The following ANAPC7 variants were observed in gnomAD, a reference collection of about 807,000 sequenced individuals.
ANAPC7 encodes anaphase-promoting complex subunit 7.
A neutral mutation model predicts 63.3 loss-of-function variants in ANAPC7; 25 were observed. The ratio of observed to expected loss-of-function variants is 0.39; its 90% CI spans 0.29 to 0.55. The LOEUF is 0.55. Among genes scored for constraint, ANAPC7 ranks in the 20% least tolerant of loss-of-function variants. The probability of loss-of-function intolerance (pLI) is 0.57; values close to 1 mark genes in which losing one functional copy is unlikely to be tolerated. For missense variants in ANAPC7, 516 were observed against 691.7 expected (o/e 0.75, Z 2.85); for synonymous variants, 241 against 251.7 (o/e 0.96, Z 0.40).
At chr12:110,397,780 A>T (rs1333942693) in intron 1 of ANAPC7, among the ~76,000 whole-genome samples, 2 of 145,400 alleles carry the variant, frequency 1.4e-5, no homozygotes, top group Non-Finnish European at 2.9e-5. Flanking sequence ...CTGTAATCCC[A>T]CCTACTCGGG....
intron 9 of ANAPC7, 120 bp from the exon 10 acceptor site, chr12:110,376,336 G>A: frequency 1.8e-6 from 2 of 1,099,164 alleles, no homozygotes; most frequent in Admixed American, 4.5e-5. Context: ...GCGAGGGCAA[G>A]CACACCTGAA....
intron 8 of ANAPC7, among the ~76,000 whole-genome samples, chr12:110,379,807 G>A (rs747313898): frequency 1.3e-5 from 2 of 152,180 alleles, no homozygotes; most frequent in African/African-American, 4.8e-5. Flanking sequence ...ACTGCATCTT[G>A]TAAGATCTAT....
intron 3 of ANAPC7, among the ~76,000 whole-genome samples, chr12:110,392,576 G>T (rs1414671195): frequency 1.3e-5 from 2 of 152,064 alleles, no homozygotes; most frequent in African/African-American, 2.4e-5. Flanking sequence ...AATGAGCAAG[G>T]CAGGAGACAT....
intron 1 of ANAPC7, among the ~76,000 whole-genome samples, chr12:110,400,560 T>C (rs2062213574): frequency 6.6e-6 from 1 of 151,322 alleles, no homozygotes; most frequent in Middle Eastern, 3.2e-3. Context: ...TTTCAAACTA[T>C]CCTGTAACAT....
chr12:110,386,814 T>C (rs1882494240), intron 5 of ANAPC7: 2 of 181,262 alleles, frequency 1.1e-5, no homozygotes, highest in African/African-American at 4.8e-5. Flanking sequence ...AAGTCTCTTC[T>C]TGTCCTTGAA....
In ANAPC7 at chr12:110,381,964, A is replaced by C. The variant is rs746278576; in HGVS notation, c.936-16T>G. ...GCTGTGACAGCTGGAGAAAAAAAAA[A>C]AAAAAAAAACACAAAAACCCCAGAA... is the stretch of plus-strand genomic sequence containing the variant. On this transcript the variant is annotated splice_polypyrimidine_tract_variant and intron_variant, in intron 7 of 10. Coordinates refer to ENST00000455511, the MANE Select transcript of ANAPC7 (RefSeq NM_016238.3). The C allele has an allele frequency of 5.3e-6, 8 of 1,517,626 alleles. No homozygotes were observed. The East Asian group carries it at 1.7e-4, about 32-fold the overall frequency. The allele number at this position is 1,517,626 out of a possible 1,614,324, so 94.0% of individuals were successfully genotyped here.
chr12:110,380,944 A>C (rs147873940), intron 8 of ANAPC7, among the ~76,000 whole-genome samples: 3,879 of 152,058 alleles, frequency 0.026, 74 homozygotes, highest in Non-Finnish European at 0.04. Flanking sequence ...TCTCAAAAAA[A>C]AGAGGAGTAA....
intron 9 of ANAPC7, among the ~76,000 whole-genome samples, chr12:110,376,568 CAAAAAAA>C (rs57434475): frequency 1.3e-4 from 8 of 62,400 alleles, no homozygotes. Flanking sequence ...GACTCCATCT[CAAAAAAA>C]AAAAAAAAAA....
chr12:110,389,081 T>TAAAAAAAAAAA (rs778746037), intron 3 of ANAPC7, among the ~76,000 whole-genome samples: 1 of 98,312 alleles, frequency 1.0e-5, no homozygotes, highest in Non-Finnish European at 2.0e-5. Flanking sequence ...GACTCCATCT[T>TAAAAAAAAAAA]AAAAAAAAAA....
In ANAPC7 at chr12:110,377,468, T is replaced by C; in HGVS notation, c.1282A>G (p.Lys428Glu). The change falls in exon 9 of 11, where the codon AAA becomes GAA. Residue 428 changes from lysine (K) to glutamate (E), a missense_variant. By Grantham distance (56) the Lys-to-Glu change is moderately conservative. Coordinates refer to ENST00000455511, the MANE Select transcript of ANAPC7 (RefSeq NM_016238.3). ...GTCAGGGCTTTATCTAATAATGTTT[T>C]GGCTTTCTCCTGTGTCACTGGGTCT... ...LEDPVTQEKAKTLLDKALTQR... is the reference protein window; with the variant it reads ...LEDPVTQEKAETLLDKALTQR... 6.2e-7 allele frequency: 1 copy of C among 1,614,212 alleles called. No individual in the cohort carries two copies. Among genetic ancestry groups the C allele is most frequent in the Non-Finnish European group, 8.5e-7 (1 of 1,180,010 alleles).
chr12:110,389,707 G>A (rs1421106445), intron 3 of ANAPC7, among the ~76,000 whole-genome samples: 4 of 152,042 alleles, frequency 2.6e-5, no homozygotes. Context: ...CGAGGTGGGT[G>A]GATTACGAGG....
At chr12:110,395,989 C>T (rs1413793582) in intron 2 of ANAPC7, among the ~76,000 whole-genome samples, 1 of 152,148 alleles carries the variant, frequency 6.6e-6, no homozygotes, top group Non-Finnish European at 1.5e-5. Flanking sequence ...CACCTCAGAT[C>T]TTCAGGCATT....
intron 9 of ANAPC7, 23 bp from the exon 10 acceptor site, chr12:110,376,239 C>T: frequency 6.2e-7 from 1 of 1,611,932 alleles, no homozygotes; most frequent in Non-Finnish European, 8.5e-7. Flanking sequence ...AAAAGACCCT[C>T]ACTTAAGTCA....
chr12:110,389,161 A>T (rs758243013), intron 3 of ANAPC7, among the ~76,000 whole-genome samples: 1 of 152,052 alleles, frequency 6.6e-6, no homozygotes, highest in Non-Finnish European at 1.5e-5. Flanking sequence ...CTAAGAGGAA[A>T]GTCACATTAC....
chr12:110,392,281 T>C (rs1197772179), intron 3 of ANAPC7, among the ~76,000 whole-genome samples: 1 of 152,116 alleles, frequency 6.6e-6, no homozygotes. Flanking sequence ...TAATAAACTT[T>C]CAAGTGTTTT....
chr12:110,376,018 T>G (rs1881232361), intron 10 of ANAPC7, 48 bp downstream of exon 10: 1 of 1,546,664 alleles, frequency 6.5e-7, no homozygotes. Context: ...GCTCACTGCC[T>G]CCTCTACCCT....
In ANAPC7 at chr12:110,381,856, A is replaced by C; in HGVS notation, c.1028T>G (p.Leu343Arg). ...GTTCCTAAGTGCTGCTCCCTTAAGT[A>C]GCAGAGCTTGAACACTATTACTGTT... ...QLNSNSVQAL[L>R]LKGAALRNMG... The change falls in exon 8 of 11, where the codon CTA becomes CGA. Residue 343 changes from leucine (L) to arginine (R), a missense_variant. Coordinates refer to ENST00000455511, the MANE Select transcript of ANAPC7 (RefSeq NM_016238.3). 3 of 1,610,826 alleles carry C rather than the reference A, an allele frequency of 1.9e-6. No individual in the cohort carries two copies. The highest frequency in any genetic ancestry group is 2.2e-5 in the South Asian group (2 of 90,918).
At chr12:110,379,956 A>C (rs1881663273) in intron 8 of ANAPC7, among the ~76,000 whole-genome samples, 1 of 152,230 alleles carries the variant, frequency 6.6e-6, no homozygotes, top group Admixed American at 6.5e-5. Flanking sequence ...TCTGGAGGTC[A>C]CAATGAACAG....
chr12:110,373,001 A>T lies in ANAPC7; in HGVS notation c.*1143T>A, dbSNP rs954332438. On this transcript the variant is annotated 3_prime_UTR_variant, in exon 11 of 11. Coordinates refer to ENST00000455511, the MANE Select transcript of ANAPC7 (RefSeq NM_016238.3). ...TTTTAGGATACGACTTTCTACTGAC[A>T]TCAAATTTATATTTTGCAGCACCTT... 1 of 152,202 alleles carries T rather than the reference A, an allele frequency of 6.6e-6. No individual in the cohort carries two copies. Among genetic ancestry groups the T allele is most frequent in the African/African-American group, 2.4e-5 (1 of 41,458 alleles). 9.4% of individuals were successfully genotyped at this position (152,202 alleles called of 1,614,324 possible).
Sources: gnomAD v4.1 joint callset for allele counts (sites outside exome capture counted in the v4.1 genomes callset) on GRCh38, gnomAD v4.1.1 for gene constraint, MANE v1.5 for transcripts, NCBI Gene and HGNC (gene_info 2026-07-23, HGNC 2026-07-21) for gene names.